ALPK3: variants seen among roughly 807,000 people sequenced by gnomAD.
The protein encoded by ALPK3 is alpha kinase 3.
A neutral mutation model predicts 140.0 loss-of-function variants in ALPK3; 102 were observed. The ratio of observed to expected loss-of-function variants is 0.73; its 90% confidence interval spans 0.62 to 0.86. The LOEUF (loss-of-function observed/expected upper bound fraction) is 0.86. Ranked by LOEUF, ALPK3 falls within the 40% of genes least tolerant of loss-of-function variation. The pLI is 0.00. For synonymous variants in ALPK3, 938 were observed against 898.5 expected, an observed-to-expected ratio of 1.04 and a Z score of -0.79; for missense variants, 2,254 against 2,208.2, an observed-to-expected ratio of 1.02 and a Z score of -0.42.
chr15:84,864,602 C>G lies in ALPK3; in HGVS notation c.4660C>G (p.Gln1554Glu), dbSNP rs1463932955. Residue 1554 changes from glutamine to glutamate, a missense_variant, in exon 12 of 14, where the codon CAG becomes GAG. Gln to Glu is a conservative substitution (Grantham distance 29). Coordinates refer to ENST00000258888, the MANE Select transcript of ALPK3 (RefSeq NM_020778.5). The part of the protein sequence containing the change: ...SGSSEAMQKC[Q>E]TFQHWLYQWT... Reference sequence around the variant, plus strand: ...CAGCTCTGAGGCCATGCAGAAATGCCAGACCTTCCAACACTGGCTGTATCA... The same window carrying G: ...CAGCTCTGAGGCCATGCAGAAATGCGAGACCTTCCAACACTGGCTGTATCA... The G allele has an allele frequency of 6.2e-7, 1 of 1,614,082 alleles. No individual in the cohort carries two copies. The highest frequency in any genetic ancestry group is 8.5e-7 in the Non-Finnish European group (1 of 1,180,042).
intron 3 of ALPK3, among the ~76,000 whole-genome samples, chr15:84,828,692 G>C (rs556644762): frequency 6.6e-6 from 1 of 152,320 alleles, no homozygotes; most frequent in East Asian, 1.9e-4. Context: ...CCATACCTTT[G>C]TATGGCGTAT....
chr15:84,851,899 A>G (rs1332234385), intron 5 of ALPK3, among the ~76,000 whole-genome samples: 4 of 152,216 alleles, frequency 2.6e-5, no homozygotes, highest in African/African-American at 9.6e-5. Context: ...TGGGTTAAAG[A>G]GTATAAATAT....
chr15:84,859,201 A>G (rs1415768479), intron 6 of ALPK3, 42 bp from the exon 7 acceptor site: 4 of 1,611,718 alleles, frequency 2.5e-6, no homozygotes, highest in Non-Finnish European at 3.4e-6. Context: ...ATATGGCCAG[A>G]GGAGAGGTGG....
chr15:84,832,550 T>C (rs1963555081), intron 3 of ALPK3, among the ~76,000 whole-genome samples: 2 of 152,168 alleles, frequency 1.3e-5, no homozygotes, highest in Non-Finnish European at 2.9e-5. Context: ...TGGGAGGTCA[T>C]CTCCAGTGTT....
chr15:84,863,427 T>TC, intron 10 of ALPK3, 125 bp from the exon 11 acceptor site: 2 of 769,396 alleles, frequency 2.6e-6, no homozygotes, highest in Non-Finnish European at 4.2e-6. Context: ...AAGCCCTTCC[T>TC]CCCCCAGGGC....
chr15:84,856,924 C>T lies in ALPK3; in HGVS notation c.2186C>T (p.Ala729Val). The change falls in exon 6 of 14, where the codon GCA becomes GTA. Residue 729 changes from alanine to valine, a missense_variant. By Grantham distance (64) the Ala-to-Val change is moderately conservative (BLOSUM62 0). Around this residue, in one of 3 missense-constraint regions of ALPK3, gnomAD observed 2,088 missense variants for 2,022.9 expected, o/e 1.03. Coordinates refer to ENST00000258888, the MANE Select transcript of ALPK3 (RefSeq NM_020778.5). ...GAAGGTCAGTCTGAGCAAGAGGTGGCAACCAGCCTCGGCCCACCATCCAGA... is the reference window on the plus strand; with the variant it reads ...GAAGGTCAGTCTGAGCAAGAGGTGGTAACCAGCCTCGGCCCACCATCCAGA... Reference protein sequence around the residue: ...AMEGQSEQEVATSLGPPSRTP... With the variant: ...AMEGQSEQEVVTSLGPPSRTP... The T allele has an allele frequency of 4.3e-6, 7 of 1,614,024 alleles. No individual in the cohort carries two copies. Among genetic ancestry groups the T allele is most frequent in the Non-Finnish European group, 5.9e-6 (7 of 1,179,968 alleles).
chr15:84,866,069 A>G (rs1964000740), intron 12 of ALPK3, among the ~76,000 whole-genome samples: 1 of 152,340 alleles, frequency 6.6e-6, no homozygotes, highest in African/African-American at 2.4e-5. Context: ...TCTGAGCTTC[A>G]GTTTCCTTTC....
Position 84,840,691 on chromosome 15 carries a change from C to A in ALPK3, c.1412C>A (p.Thr471Asn). ...CCTGGCCAGCCCACACACTCCTTGA[C>A]CCCCCAGCCGACTAGGCCTTTCAAC... ...GAPGQPTHSLTPQPTRPFNRK... is the reference protein window; with the variant it reads ...GAPGQPTHSLNPQPTRPFNRK... Residue 471 changes from threonine (T) to asparagine (N), a missense_variant, in exon 5 of 14, where the codon ACC (threonine) becomes AAC (asparagine). Thr to Asn is a moderately conservative substitution (Grantham distance 65, BLOSUM62 0). Around this residue, in one of 3 missense-constraint regions of ALPK3, gnomAD observed 2,088 missense variants for 2,022.9 expected, o/e 1.03. Transcript: ENST00000258888. 4.4e-6 allele frequency: 7 copies of A among 1,606,328 alleles called. No individual in the cohort carries two copies. The highest frequency in any genetic ancestry group is 6.0e-6 in the Non-Finnish European group (7 of 1,176,340).
At chr15:84,862,485 C>T in intron 9 of ALPK3, 150 bp from the exon 10 acceptor site, 3 of 907,370 alleles carry the variant, frequency 3.3e-6, no homozygotes, top group Non-Finnish European at 5.0e-6. Flanking sequence ...CTGGTGGGGA[C>T]TTAATGTGCC....
At chr15:84,861,549 C>T (rs1963945724) in intron 9 of ALPK3, among the ~76,000 whole-genome samples, 1 of 152,182 alleles carries the variant, frequency 6.6e-6, no homozygotes, top group Non-Finnish European at 1.5e-5. Flanking sequence ...GATACAAACC[C>T]TATTGTTATC....
At chr15:84,842,183 G>A (rs1282198403) in intron 5 of ALPK3, among the ~76,000 whole-genome samples, 1 of 152,174 alleles carries the variant, frequency 6.6e-6, no homozygotes, top group Non-Finnish European at 1.5e-5. Context: ...ACAGGTGTGA[G>A]GCACCATGCT....
At chr15:84,849,017 CT>C (rs1360852107) in intron 5 of ALPK3, among the ~76,000 whole-genome samples, 1 of 152,046 alleles carries the variant, frequency 6.6e-6, no homozygotes, top group Non-Finnish European at 1.5e-5. Flanking sequence ...TGGTGCATGC[CT>C]GTAATCCCAG....
At position 84,859,837 on chromosome 15, in the gene ALPK3, G is replaced by A. The variant is rs1054844497; in HGVS notation, c.4027G>A (p.Val1343Met). Residue 1343 changes from valine (V) to methionine (M), a missense_variant, in exon 8 of 14, where the codon GTG becomes ATG. Physicochemically the swap from Val to Met is conservative, Grantham distance 21. Around this residue, in one of 3 missense-constraint regions of ALPK3, gnomAD observed 2,088 missense variants for 2,022.9 expected, o/e 1.03. Transcript: ENST00000258888. ...GCAGGCCTCCCCCGTAGACTGCGGT[G>A]TGTATCGGTGCACCATCCACAATGA... ...IVQASPVDCG[V>M]YRCTIHNEHG... 1 of 1,613,942 alleles carries A rather than the reference G, an allele frequency of 6.2e-7. No individual in the cohort carries two copies. Among genetic ancestry groups the A allele is most frequent in the Non-Finnish European group, 8.5e-7 (1 of 1,180,046 alleles).
At chr15:84,861,178 C>A (rs1963941799) in intron 9 of ALPK3, among the ~76,000 whole-genome samples, 1 of 152,234 alleles carries the variant, frequency 6.6e-6, no homozygotes, top group African/African-American at 2.4e-5. Flanking sequence ...GCTCCCAAGT[C>A]TCTCTTAATA....
chr15:84,823,328 A>C lies in ALPK3; in HGVS notation c.144-2A>C. ...ATGATTCCATTTGCTGTTTTTGCTTAGCTTATCAAGCAACCGGTTGTCTCA... is the reference window on the plus strand; with the variant it reads ...ATGATTCCATTTGCTGTTTTTGCTTCGCTTATCAAGCAACCGGTTGTCTCA... On this transcript the variant is annotated splice_acceptor_variant, in intron 1 of 13. Transcript: ENST00000258888. LOFTEE classifies it high-confidence loss of function. 6.2e-7 allele frequency: 1 copy of C among 1,614,190 alleles called. No individual in the cohort carries two copies. Among genetic ancestry groups the C allele is most frequent in the Non-Finnish European group, 8.5e-7 (1 of 1,180,038 alleles).
At position 84,868,225 on chromosome 15, in the gene ALPK3, G is replaced by T; in HGVS notation, c.4887G>T (p.Glu1629Asp). 2.5e-6 allele frequency: 4 copies of T among 1,614,200 alleles called. No homozygotes were observed. Among genetic ancestry groups the T allele is most frequent in the Non-Finnish European group, 2.5e-6 (3 of 1,180,028 alleles). Reference protein sequence around the residue: ...LLGLTPLKGPEAAHPQAKAKG... With the variant: ...LLGLTPLKGPDAAHPQAKAKG... ...GGCTGACACCTCTCAAGGGCCCGGA[G>T]GCGGCCCACCCCCAAGCCAAAGCCA... is the stretch of plus-strand genomic sequence containing the variant. The change falls in exon 14 of 14, where the codon GAG becomes GAT. Residue 1629 changes from glutamate (E) to aspartate (D), a missense_variant. Physicochemically the swap from Glu to Asp is conservative, Grantham distance 45. Coordinates refer to ENST00000258888, the MANE Select transcript of ALPK3 (RefSeq NM_020778.5).
chr15:84,856,839 G>A lies in ALPK3; in HGVS notation c.2101G>A (p.Glu701Lys). The A allele has an allele frequency of 6.2e-7, 1 of 1,613,772 alleles. No individual in the cohort carries two copies. The part of the protein sequence containing the change: ...GTQEDRRMQG[E>K]KGMQGEKGTQ... The stretch of plus-strand genomic sequence containing the variant: ...ACAGGAAGACAGAAGGATGCAGGGA[G>A]AGAAGGGGATGCAGGGAGAGAAGGG... Residue 701 changes from glutamate (E) to lysine (K), a missense_variant, in exon 6 of 14, where the codon GAG (glutamate) becomes AAG (lysine). Around this residue, in one of 3 missense-constraint regions of ALPK3, gnomAD observed 2,088 missense variants for 2,022.9 expected, o/e 1.03. Coordinates refer to ENST00000258888, the MANE Select transcript of ALPK3 (RefSeq NM_020778.5).
intron 4 of ALPK3, among the ~76,000 whole-genome samples, 192 bp from the exon 5 acceptor site, chr15:84,839,510 T>C (rs1555434544): frequency 6.6e-6 from 1 of 152,176 alleles, no homozygotes; most frequent in Non-Finnish European, 1.5e-5. Flanking sequence ...GCCACCTTTT[T>C]GCCAGCCTCA....
chr15:84,847,409 A>C (rs1458946985), intron 5 of ALPK3, among the ~76,000 whole-genome samples: 1 of 152,232 alleles, frequency 6.6e-6, no homozygotes, highest in Non-Finnish European at 1.5e-5. Context: ...AAAATTTGGC[A>C]AAAGTCAAGA....
Sources: gnomAD v4.1 joint callset for allele counts (sites outside exome capture counted in the v4.1 genomes callset) on GRCh38, gnomAD v4.1.1 for gene constraint, gnomAD v4.1.1 regional missense constraint, MANE v1.5 for transcripts, NCBI Gene and HGNC (gene_info 2026-07-23, HGNC 2026-07-21) for gene names.